Variants in CBR4 observed in about 807,000 individuals in gnomAD.
The protein encoded by CBR4 is 3-oxoacyl-[acyl-carrier-protein] reductase.
A neutral mutation model predicts 21.0 loss-of-function variants in CBR4; 22 were observed. The observed-to-expected ratio is 1.05, with a 90% CI of 0.75 to 1.50. The LOEUF is 1.50. Ranked by LOEUF, CBR4 falls within the 40% of genes most tolerant of loss-of-function variation. CBR4 has a pLI of 0.00. For missense variants in CBR4, 302 were observed against 286.3 expected, an observed-to-expected ratio of 1.05 and a Z score of -0.40; for synonymous variants, 100 against 104.4, an observed-to-expected ratio of 0.96 and a Z score of 0.26.
At chr4:168,971,862 T>C (rs1764220143) in intron 2 of CBR4, among the ~76,000 whole-genome samples, 1 of 152,210 alleles carries the variant, frequency 6.6e-6, no homozygotes, top group South Asian at 2.1e-4. Context: ...ATGAACTCTT[T>C]AGGCCAAGGT....
intron 2 of CBR4, among the ~76,000 whole-genome samples, chr4:168,932,316 T>TGAAGC (rs1762993173): frequency 6.6e-6 from 1 of 150,650 alleles, no homozygotes; most frequent in Admixed American, 6.6e-5. Flanking sequence ...AATCAAGAGC[T>TGAAGC]TCAACAACAG....
At chr4:168,938,129 C>A (rs1763163944) in intron 2 of CBR4, among the ~76,000 whole-genome samples, 1 of 152,202 alleles carries the variant, frequency 6.6e-6, no homozygotes, top group Admixed American at 6.5e-5. Context: ...GACCACAGTG[C>A]AATCTAATTA....
intron 2 of CBR4, among the ~76,000 whole-genome samples, chr4:168,939,321 A>G (rs1369086640): frequency 6.6e-6 from 1 of 152,226 alleles, no homozygotes; most frequent in African/African-American, 2.4e-5. Flanking sequence ...GCTATTTATG[A>G]CAAACCCACA....
intron 2 of CBR4, 63 bp downstream of exon 2, chr4:169,007,573 G>T: frequency 2.0e-6 from 2 of 1,017,922 alleles, no homozygotes; most frequent in Non-Finnish European, 2.7e-6. Context: ...ACCAATCAAA[G>T]ACATATTAGG....
At chr4:168,971,208 T>C (rs1283130018) in intron 2 of CBR4, among the ~76,000 whole-genome samples, 4 of 152,186 alleles carry the variant, frequency 2.6e-5, no homozygotes, top group Non-Finnish European at 5.9e-5. Flanking sequence ...TCGATTTGCA[T>C]TTCCCTGATA....
chr4:168,904,381 T>A (rs1333607132), intron 2 of CBR4: 1 of 161,740 alleles, frequency 6.2e-6, no homozygotes, highest in African/African-American at 2.4e-5. Context: ...AAATGATAAT[T>A]TTGATAGCAT....
At chr4:168,984,555 A>G (rs1404338530), downstream of CBR4, among the ~76,000 whole-genome samples, 1 of 152,202 alleles carries the variant, frequency 6.6e-6, no homozygotes, top group East Asian at 1.9e-4. Context: ...ACAAAAAACC[A>G]TTCTAAAATT....
At chr4:168,925,746 T>C (rs1435796630) in intron 2 of CBR4, among the ~76,000 whole-genome samples, 3 of 152,224 alleles carry the variant, frequency 2.0e-5, no homozygotes, top group Non-Finnish European at 4.4e-5. Flanking sequence ...TTGCCTCTTC[T>C]TGAAATAACT....
chr4:168,901,500 T>C (rs1756504706), intron 2 of CBR4, among the ~76,000 whole-genome samples: 1 of 152,204 alleles, frequency 6.6e-6, no homozygotes. Context: ...AGAACTGGCA[T>C]TGTGGCAAGA....
intron 2 of CBR4, among the ~76,000 whole-genome samples, chr4:168,963,651 G>C (rs2126733734): frequency 6.6e-6 from 1 of 151,888 alleles, no homozygotes; most frequent in Non-Finnish European, 1.5e-5. Flanking sequence ...TGTATTTTTA[G>C]GAGAGACAGG....
chr4:168,954,008 T>C (rs1025949200), intron 2 of CBR4, among the ~76,000 whole-genome samples: 5 of 152,084 alleles, frequency 3.3e-5, no homozygotes, highest in Non-Finnish European at 5.9e-5. Context: ...GACTCAAATA[T>C]AGTTTGAAGA....
chr4:168,911,050 T>C (rs6843011), intron 2 of CBR4, among the ~76,000 whole-genome samples: 79,823 of 152,140 alleles, frequency 0.52, 24,433 homozygotes, highest in East Asian at 0.88. Flanking sequence ...AATGATAATT[T>C]ATGATGTCAC....
intron 2 of CBR4, among the ~76,000 whole-genome samples, chr4:168,967,345 G>A (rs1041626374): frequency 1.3e-5 from 2 of 152,054 alleles, no homozygotes; most frequent in Non-Finnish European, 2.9e-5. Flanking sequence ...ATTACACATC[G>A]GGGCCTGTCA....
intron 2 of CBR4, among the ~76,000 whole-genome samples, chr4:168,980,902 T>A (rs1049271392): frequency 6.6e-6 from 1 of 150,688 alleles, no homozygotes; most frequent in African/African-American, 2.4e-5. Flanking sequence ...AGCCAAAGAG[T>A]CTCCTTATTT....
intron 2 of CBR4, chr4:168,904,083 A>T: frequency 1.6e-6 from 1 of 637,248 alleles, no homozygotes; most frequent in Non-Finnish European, 2.8e-6. Flanking sequence ...TGTTTCATGA[A>T]TACTTATTTA....
In CBR4 at chr4:168,962,464, G is replaced by A. The variant is rs1205704296; in HGVS notation, n.169+39607C>T. On this transcript the variant is annotated intron_variant and non_coding_transcript_variant, in intron 2 of 3. Transcript: ENST00000509108. ...ATATGATTAATGAGTAAATGTACGG[G>A]ATGGAAGAGAAGAAAGACTTGAGGA... Among the ~76,000 whole-genome samples, 3 of 152,296 alleles carry A rather than the reference G, an allele frequency of 2.0e-5. No homozygotes were observed. In the East Asian group the frequency reaches 5.8e-4, roughly 29 times the overall value.
At chr4:168,951,409 C>T (rs1320859497) in intron 2 of CBR4, among the ~76,000 whole-genome samples, 1 of 152,226 alleles carries the variant, frequency 6.6e-6, no homozygotes, top group Non-Finnish European at 1.5e-5. Context: ...AATGTTAGTA[C>T]TGAGATGCAA....
rs1553990350 is a variant in CBR4, at chr4:168,959,874, T to TTA, written n.169+42196_169+42197insTA. Among the ~76,000 whole-genome samples, 7 of 143,730 alleles carry TTA rather than the reference T, an allele frequency of 4.9e-5. No homozygotes were observed. In the East Asian group the frequency reaches 1.2e-3, roughly 25 times the overall value. 94.3% of individuals were successfully genotyped at this position (143,730 alleles called of 152,430 possible). A position where few individuals can be genotyped will look rare whatever the true frequency, so the allele number is the denominator to read the frequency against. ...CACCACGCCCAGCCTCAATTTCTAT[T>TTA]AAAAAAAAAAAAAAACCTTCTGAAA... On this transcript the variant is annotated intron_variant and non_coding_transcript_variant, in intron 2 of 3. Transcript: ENST00000509108.
intron 2 of CBR4, among the ~76,000 whole-genome samples, chr4:168,905,428 G>A (rs749141239): frequency 1.6e-4 from 25 of 151,874 alleles, no homozygotes; most frequent in Admixed American, 2.6e-4. Context: ...CATTACAGGT[G>A]TGAGGCACTG....
Sources: gnomAD v4.1 joint callset for allele counts (sites outside exome capture counted in the v4.1 genomes callset) on GRCh38, gnomAD v4.1.1 for gene constraint, MANE v1.5 for transcripts, NCBI Gene and HGNC (gene_info 2026-07-23, HGNC 2026-07-21) for gene names.